ZNF831: variants seen among roughly 807,000 people sequenced by gnomAD.
ZNF831 encodes the protein chromosome 20 open reading frame 174.
In ZNF831, 59 loss-of-function variants were observed where a neutral mutation model predicts 95.8. The ratio of observed to expected loss-of-function variants is 0.62; its 90% confidence interval spans 0.50 to 0.77. The LOEUF is 0.77. Among genes scored for constraint, ZNF831 ranks in the 30% least tolerant of loss-of-function variants. The pLI is 0.00. For synonymous variants in ZNF831, 961 were observed against 925.5 expected (o/e 1.04, Z -0.70); for missense variants, 2,205 against 2,164.0 (o/e 1.02, Z -0.38).
chr20:59,146,440 A>T (rs1046611302), intron 2 of ZNF831: 3 of 152,238 alleles, frequency 2.0e-5, no homozygotes, highest in African/African-American at 4.8e-5. Context: ...AGATGAAGGG[A>T]TCTTAATCAT....
intron 5 of ZNF831, 26 bp from the exon 6 acceptor site, chr20:59,253,872 T>C (rs1193952828): frequency 2.9e-6 from 2 of 697,528 alleles, no homozygotes; most frequent in South Asian, 4.8e-5. Context: ...CCCCCCACTT[T>C]TTTTTTCCTT....
intron 2 of ZNF831, among the ~76,000 whole-genome samples, chr20:59,147,437 G>C (rs1156891385): frequency 6.6e-6 from 1 of 152,206 alleles, no homozygotes; most frequent in Non-Finnish European, 1.5e-5. Context: ...CTCTGACCTT[G>C]TCCCCTCTGG....
rs193063655 is a variant in ZNF831, at chr20:59,244,215, G to C, written c.4028-8763G>C. ...AGATTTAAAACTATTACTGAGAGAGGCAAAGTTTCAAAAAAAATAGGATAG... is the reference window on the plus strand; with the variant it reads ...AGATTTAAAACTATTACTGAGAGAGCCAAAGTTTCAAAAAAAATAGGATAG... On this transcript the variant is annotated intron_variant, in intron 4 of 5. Transcript: ENST00000371030. Among the ~76,000 whole-genome samples the C allele has an allele frequency of 5.3e-5, 8 of 152,094 alleles. No homozygotes were observed. The Admixed American group carries it at 5.3e-4, about 10-fold the overall frequency.
intron 1 of ZNF831, among the ~76,000 whole-genome samples, chr20:59,141,580 T>G (rs1476187344): frequency 6.6e-6 from 1 of 152,188 alleles, no homozygotes; most frequent in Non-Finnish European, 1.5e-5. Context: ...GATTTAGGTG[T>G]TTTTCTCCAT....
Position 59,193,528 on chromosome 20 carries a change from GAGC to G in ZNF831, c.2510_2512del (p.Glu837_Pro838delinsAla), listed in dbSNP as rs1235343567. 6.2e-7 allele frequency: 1 copy of G among 1,607,066 alleles called. No homozygotes were observed. Among genetic ancestry groups the G allele is most frequent in the African/African-American group, 1.3e-5 (1 of 74,742 alleles). On this transcript the variant is annotated inframe_deletion, in exon 2 of 6. Transcript: ENST00000371030. ...GGACCTGCACAGCTGGAAGCAACCA[GAGC>G]CTGTGAGCGCAGAGACCCCAGGTGG...
rs1226054868 is a variant in ZNF831, at chr20:59,258,894, A to C, written c.*4151A>C. 1 of 152,152 alleles carries C rather than the reference A, an allele frequency of 6.6e-6. No homozygotes were observed. Among genetic ancestry groups the C allele is most frequent in the Admixed American group, 6.6e-5 (1 of 15,266 alleles). The allele number at this position is 152,152 out of a possible 1,614,324, so 9.4% of individuals were successfully genotyped here. ...GAACAGTTGAGCACATTACTTCACC[A>C]CTGGAAGAATAGGAACCAGGGAAAA... On this transcript the variant is annotated 3_prime_UTR_variant, in exon 6 of 6. Coordinates refer to ENST00000371030, the MANE Select transcript of ZNF831 (RefSeq NM_178457.3).
At position 59,153,215 on chromosome 20, in the gene ZNF831, G is replaced by A. The variant is rs991246527; in HGVS notation, c.-1280-6437G>A. ...TGATTTTCCCACCACCCTTGCTGCC[G>A]AGCACACGTGCATTGGCCCCCAGCC... On this transcript the variant is annotated intron_variant, in intron 2 of 7. Coordinates refer to the ZNF831 transcript ENST00000637017. Among the ~76,000 whole-genome samples the A allele has an allele frequency of 1.1e-4, 17 of 152,228 alleles. No individual in the cohort carries two copies. The East Asian group carries it at 1.2e-3, about 10-fold the overall frequency.
At chr20:59,158,867 C>T (rs182778292), upstream of ZNF831, among the ~76,000 whole-genome samples, 17 of 152,272 alleles carry the variant, frequency 1.1e-4, no homozygotes, top group East Asian at 1.9e-3. Flanking sequence ...ATCTTACATG[C>T]GCACGGGGCA....
chr20:59,248,195 G>A (rs929042988), intron 4 of ZNF831, among the ~76,000 whole-genome samples: 12 of 152,202 alleles, frequency 7.9e-5, no homozygotes, highest in African/African-American at 1.9e-4. Flanking sequence ...AAGAGCGATC[G>A]AATTTCTGAA....
chr20:59,139,834 C>G (rs1979620750), intron 1 of ZNF831, among the ~76,000 whole-genome samples: 1 of 152,088 alleles, frequency 6.6e-6, no homozygotes, highest in South Asian at 2.1e-4. Flanking sequence ...GATGAATGCA[C>G]AGAGGATGAT....
chr20:59,198,257 A>G (rs568026945), intron 3 of ZNF831, among the ~76,000 whole-genome samples: 3 of 152,344 alleles, frequency 2.0e-5, no homozygotes, highest in South Asian at 4.1e-4. Flanking sequence ...TTATTAGGCC[A>G]GTGCTCTAAA....
intron 3 of ZNF831, among the ~76,000 whole-genome samples, chr20:59,198,459 C>T (rs1363289839): frequency 6.6e-6 from 1 of 152,234 alleles, no homozygotes; most frequent in Non-Finnish European, 1.5e-5. Flanking sequence ...CGCTCTCTAG[C>T]TCACCTCTCC....
intron 4 of ZNF831, among the ~76,000 whole-genome samples, chr20:59,249,302 C>A (rs942479455): frequency 1.3e-5 from 2 of 152,058 alleles, no homozygotes; most frequent in Admixed American, 1.3e-4. Flanking sequence ...TAGTATGCTC[C>A]CCTCCATTTC....
chr20:59,138,608 C>T (rs1278622796), intron 1 of ZNF831, among the ~76,000 whole-genome samples: 3 of 152,190 alleles, frequency 2.0e-5, no homozygotes, highest in Non-Finnish European at 4.4e-5. Flanking sequence ...AAAGTTAGGT[C>T]TCCCTAGTAA....
At chr20:59,176,340 G>T (rs1982157165) in intron 1 of ZNF831, among the ~76,000 whole-genome samples, 1 of 152,228 alleles carries the variant, frequency 6.6e-6, no homozygotes, top group African/African-American at 2.4e-5. Flanking sequence ...TGACCAGAGA[G>T]GGAGGCATGA....
intron 4 of ZNF831, among the ~76,000 whole-genome samples, chr20:59,212,777 C>A (rs1003335183): frequency 6.6e-6 from 1 of 152,190 alleles, no homozygotes; most frequent in Non-Finnish European, 1.5e-5. Context: ...TGAGAACTTT[C>A]CCTAATAGAC....
chr20:59,127,590 C>A (rs960440582), intron 1 of ZNF831, among the ~76,000 whole-genome samples: 1 of 152,194 alleles, frequency 6.6e-6, no homozygotes, highest in African/African-American at 2.4e-5. Flanking sequence ...TTCCCTCCGA[C>A]GGGCTCACTC....
intron 3 of ZNF831, among the ~76,000 whole-genome samples, chr20:59,196,231 C>A (rs2146609845): frequency 6.6e-6 from 1 of 152,294 alleles, no homozygotes; most frequent in East Asian, 1.9e-4. Flanking sequence ...TTTGAAATAA[C>A]TGGGTTGAAA....
chr20:59,195,898 GC>G lies in ZNF831; in HGVS notation c.3772del (p.Gln1258SerfsTer29), dbSNP rs1390099598. On this transcript the variant is annotated frameshift_variant, in exon 3 of 6. Transcript: ENST00000371030. LOFTEE classifies it high-confidence loss of function. ...CCTACCCAACAGTCCCAGGGGTGAT[GC>G]CCCAGCACCAGGTGTCTGAGCCAGA... ...FSYPTVPGVM[P>X]QHQVSEPEWK... is the part of the protein sequence containing the mutation. The G allele has an allele frequency of 6.2e-7, 1 of 1,614,166 alleles. No individual in the cohort carries two copies.
Sources: gnomAD v4.1 joint callset for allele counts (sites outside exome capture counted in the v4.1 genomes callset) on GRCh38, gnomAD v4.1.1 for gene constraint, MANE v1.5 for transcripts, NCBI Gene and HGNC (gene_info 2026-07-23, HGNC 2026-07-21) for gene names.